RUBCN: variants seen among roughly 807,000 people sequenced by gnomAD.
RUBCN encodes the protein run domain Beclin-1-interacting and cysteine-rich domain-containing protein.
In RUBCN, 74 loss-of-function variants were observed where a neutral mutation model predicts 113.2. The observed-to-expected ratio is 0.65, with a 90% CI of 0.54 to 0.79. The LOEUF (loss-of-function observed/expected upper bound fraction) is 0.79, where lower values mean the gene tolerates loss of function less well. RUBCN is among the 30% of genes least tolerant of loss of function. RUBCN has a pLI of 0.00. For missense variants in RUBCN, 1,109 were observed against 1,251.7 expected, an observed-to-expected ratio of 0.89 and a Z score of 1.72; for synonymous variants, 480 against 490.0, an observed-to-expected ratio of 0.98 and a Z score of 0.27.
chr3:197,682,659 C>A (rs1427642994), intron 13 of RUBCN, 44 bp from the exon 14 acceptor site: 1 of 1,602,816 alleles, frequency 6.2e-7, no homozygotes, highest in Non-Finnish European at 8.5e-7. Flanking sequence ...TGTCAGTGTG[C>A]TGCCCGTCAT....
At chr3:197,733,267 G>T (rs1160924353) in intron 1 of RUBCN, among the ~76,000 whole-genome samples, 2 of 152,192 alleles carry the variant, frequency 1.3e-5, no homozygotes, top group Non-Finnish European at 2.9e-5. Context: ...GAGGCCAGGA[G>T]TTTGAGACTG....
intron 18 of RUBCN, chr3:197,676,189 T>C (rs150724314): frequency 3.3e-5 from 33 of 990,562 alleles, no homozygotes; most frequent in Non-Finnish European, 3.8e-5. Context: ...ATTCTCTTCA[T>C]CTTAGAGCCA....
intron 1 of RUBCN, among the ~76,000 whole-genome samples, chr3:197,733,035 T>G (rs1022865833): frequency 6.6e-6 from 1 of 152,252 alleles, no homozygotes; most frequent in Non-Finnish European, 1.5e-5. Flanking sequence ...TCAGGCAGGT[T>G]ACGTAAAGTA....
chr3:197,686,501 G>T (rs1195775708), intron 11 of RUBCN, among the ~76,000 whole-genome samples: 1 of 152,190 alleles, frequency 6.6e-6, no homozygotes, highest in African/African-American at 2.4e-5. Context: ...CCCGGCCAAG[G>T]ACCACGCAGC....
intron 1 of RUBCN, among the ~76,000 whole-genome samples, chr3:197,720,597 G>T (rs915790850): frequency 3.9e-5 from 6 of 152,022 alleles, no homozygotes; most frequent in African/African-American, 1.4e-4. Context: ...TAGTTAGATG[G>T]GGTTTCTCCA....
In RUBCN at chr3:197,683,403, C is replaced by T. The variant is rs765574552; in HGVS notation, c.1884G>A (p.Ala628=). 15 of 1,614,028 alleles carry T rather than the reference C, an allele frequency of 9.3e-6. No individual in the cohort carries two copies. The highest frequency in any genetic ancestry group is 6.7e-5 in the East Asian group (3 of 44,900). The change falls in exon 13 of 20, where the codon GCG becomes GCA. Residue 628 remains alanine (A), a synonymous_variant. Coordinates refer to ENST00000296343, the MANE Select transcript of RUBCN (RefSeq NM_014687.4). The surrounding 1 kb of genome is among the most constrained non-coding windows in gnomAD (Gnocchi z 4.6). ...ACTGCTTCAGGAGCCCCATGGCCACCGCCTCAGCAGACGTGGAGTGCAGGA... is the reference window on the plus strand; with the variant it reads ...ACTGCTTCAGGAGCCCCATGGCCACTGCCTCAGCAGACGTGGAGTGCAGGA... ...HCFLHSTSAE[A]VAMGLLKQFE... is the part of the protein sequence containing the mutation.
chr3:197,676,243 A>G (rs1720401339), intron 18 of RUBCN: 1 of 991,868 alleles, frequency 1.0e-6, no homozygotes, highest in Non-Finnish European at 1.2e-6. Context: ...TATTTTGGTC[A>G]TAATGACTGA....
Position 197,669,360 on chromosome 3 carries a change from G to A in RUBCN, c.*5658C>T, listed in dbSNP as rs369429829. ...GTATCTGCTTAGTCTCCTCTCGTCC[G>A]TGACGGCATCTCTTTCCTTGTTTTC... On this transcript the variant is annotated 3_prime_UTR_variant, in exon 20 of 20. Transcript: ENST00000296343. Among the ~76,000 whole-genome samples the A allele has an allele frequency of 1.3e-5, 2 of 152,234 alleles. No homozygotes were observed. Among genetic ancestry groups the A allele is most frequent in the African/African-American group, 2.4e-5 (1 of 41,534 alleles).
At chr3:197,709,081 C>T (rs970312119) in intron 2 of RUBCN, among the ~76,000 whole-genome samples, 4 of 152,072 alleles carry the variant, frequency 2.6e-5, no homozygotes, top group African/African-American at 9.7e-5. Flanking sequence ...TAGGCTTTGA[C>T]CCAATATCCT....
chr3:197,694,334 G>T, intron 10 of RUBCN, 41 bp downstream of exon 10: 1 of 1,575,948 alleles, frequency 6.3e-7, no homozygotes, highest in Non-Finnish European at 8.7e-7. Flanking sequence ...TGCTGAAGTT[G>T]GGAAAATGTG....
rs994881367 is a variant in RUBCN at position 197,670,347 on chromosome 3, G to C, written c.*4671C>G. ...TCTGGCATGGTGTCTGGAACACGGA[G>C]GCATCTATAGATGTTTGGGATTGAC... On this transcript the variant is annotated 3_prime_UTR_variant, in exon 20 of 20. Coordinates refer to ENST00000296343, the MANE Select transcript of RUBCN (RefSeq NM_014687.4). 1.3e-5 allele frequency among the ~76,000 whole-genome samples: 2 copies of C among 152,168 alleles called. No homozygotes were observed. The highest frequency in any genetic ancestry group is 1.3e-4 in the Admixed American group (2 of 15,286).
rs1053486485 is a variant in RUBCN, at chr3:197,675,733, A to T, written c.2647-218T>A. ...AGATCAGACAGGCACCAGCCGGAGA[A>T]GCTCCGACCCCCAGCGCGGCTCTCC... On this transcript the variant is annotated intron_variant, in intron 18 of 19. Coordinates refer to ENST00000296343, the MANE Select transcript of RUBCN (RefSeq NM_014687.4). The surrounding 1 kb of genome is among the most constrained non-coding windows in gnomAD (Gnocchi z 4.4). Among the ~76,000 whole-genome samples, 1 of 151,968 alleles carries T rather than the reference A, an allele frequency of 6.6e-6. No individual in the cohort carries two copies. The highest frequency in any genetic ancestry group is 2.4e-5 in the African/African-American group (1 of 41,236).
chr3:197,693,613 C>G, intron 11 of RUBCN, 102 bp downstream of exon 11: 2 of 828,900 alleles, frequency 2.4e-6, no homozygotes, highest in Non-Finnish European at 4.1e-6. Flanking sequence ...TAACAACAAT[C>G]CATAATGAAG....
Position 197,701,054 on chromosome 3 carries a change from G to C in RUBCN, c.820C>G (p.Gln274Glu). ...GCAGAGACTGAAACTGGGGGGGCTT[G>C]GATGGTTTGATCCTCTGCTGGTGAG... is the stretch of plus-strand genomic sequence containing the variant. ...HVSPAEDQTI[Q>E]APPVSVSALA... The change falls in exon 7 of 20, where the codon CAA becomes GAA. Residue 274 changes from glutamine to glutamate, a missense_variant. Transcript: ENST00000296343. 1.2e-6 allele frequency: 2 copies of C among 1,613,538 alleles called. No homozygotes were observed. The highest frequency in any genetic ancestry group is 4.5e-5 in the East Asian group (2 of 44,878).
At chr3:197,694,344 G>A (rs772424484) in intron 10 of RUBCN, 31 bp downstream of exon 10, 3 of 1,599,454 alleles carry the variant, frequency 1.9e-6, no homozygotes, top group Middle Eastern at 1.7e-4. Flanking sequence ...GGGAAAATGT[G>A]GGAACAGAAG....
At chr3:197,736,988 A>C (rs1224054949), upstream of RUBCN, 1 of 1,200,450 alleles carries the variant, frequency 8.3e-7, no homozygotes, top group African/African-American at 1.6e-5. Context: ...CTCCAATCCC[A>C]GGCCGCGCTC....
intron 1 of RUBCN, chr3:197,749,228 G>A: frequency 3.0e-6 from 3 of 1,010,456 alleles, no homozygotes; most frequent in Non-Finnish European, 3.6e-6. Flanking sequence ...CAATGCAAAT[G>A]AATTAGAAGA....
At position 197,681,362 on chromosome 3, in the gene RUBCN, T is replaced by C. The variant is rs1181047784; in HGVS notation, c.2197A>G (p.Ile733Val). Residue 733 changes from isoleucine (I) to valine (V), a missense_variant, in exon 16 of 20, where the codon ATC becomes GTC. Physicochemically the swap from Ile to Val is conservative, Grantham distance 29. Coordinates refer to ENST00000296343, the MANE Select transcript of RUBCN (RefSeq NM_014687.4). The surrounding 1 kb of genome is among the most constrained non-coding windows in gnomAD (Gnocchi z 5.5). ...GCGIRTDPDYIKRLRYCEYLG... is the reference protein window; with the variant it reads ...GCGIRTDPDYVKRLRYCEYLG... ...TACTCACAGTACCGCAGTCGCTTGA[T>C]GTAATCTGGAAAAACCGGAAAGCCA... is the stretch of plus-strand genomic sequence containing the variant. 6 of 1,612,582 alleles carry C rather than the reference T, an allele frequency of 3.7e-6. No individual in the cohort carries two copies. The highest frequency in any genetic ancestry group is 5.1e-6 in the Non-Finnish European group (6 of 1,178,732).
chr3:197,745,540 G>A (rs1185777361), intron 1 of RUBCN, among the ~76,000 whole-genome samples: 11 of 151,914 alleles, frequency 7.2e-5, no homozygotes, highest in African/African-American at 1.7e-4. Flanking sequence ...TCTTGAATCC[G>A]GGAGGCAGAG....
Sources: gnomAD v4.1 joint callset for allele counts (sites outside exome capture counted in the v4.1 genomes callset) on GRCh38, gnomAD v4.1.1 for gene constraint, Gnocchi (gnomAD v3.1) non-coding constraint, MANE v1.5 for transcripts, NCBI Gene and HGNC (gene_info 2026-07-23, HGNC 2026-07-21) for gene names.